Variants in THSD4 observed in about 807,000 individuals in gnomAD.
The protein encoded by THSD4 is thrombospondin type 1 domain containing 4.
THSD4 carries 69 observed loss-of-function variants against 119.0 expected under a neutral mutation model. The observed-to-expected ratio is 0.58, with a 90% CI of 0.48 to 0.71. THSD4 has a LOEUF of 0.71. THSD4 is among the 30% of genes least tolerant of loss of function. The pLI is 0.00. For synonymous variants in THSD4, 524 were observed against 540.4 expected, an observed-to-expected ratio of 0.97 and a Z score of 0.42; for missense variants, 1,393 against 1,391.1, an observed-to-expected ratio of 1.00 and a Z score of -0.02.
At chr15:71,587,989 C>G (rs913276166) in intron 7 of THSD4, among the ~76,000 whole-genome samples, 2 of 151,282 alleles carry the variant, frequency 1.3e-5, no homozygotes, top group African/African-American at 4.9e-5. Flanking sequence ...GGCATAGTTT[C>G]ATTGTCAAGA....
At position 71,242,748 on chromosome 15, in the gene THSD4, G is replaced by T. The variant is rs777242706; in HGVS notation, c.564G>T (p.Arg188Ser). Residue 188 changes from arginine to serine, a missense_variant, in exon 5 of 18, where the codon AGG (arginine) becomes AGT (serine). Coordinates refer to ENST00000261862, the MANE Select transcript of THSD4 (RefSeq NM_024817.3). ...LQTDTAHTPQRLRRQKLSSRH... is the reference protein window; with the variant it reads ...LQTDTAHTPQSLRRQKLSSRH... ...CAGACACTGCACACACGCCACAGAG[G>T]CTCCGGAGACAGAAGCTCTCATCCC... The T allele has an allele frequency of 2.5e-6, 4 of 1,614,160 alleles. No individual in the cohort carries two copies. Among genetic ancestry groups the T allele is most frequent in the East Asian group, 4.5e-5 (2 of 44,884 alleles).
chr15:71,512,550 G>A (rs970390437), intron 7 of THSD4, among the ~76,000 whole-genome samples: 7 of 152,154 alleles, frequency 4.6e-5, no homozygotes, highest in Non-Finnish European at 7.3e-5. Flanking sequence ...GGCTTAAGGC[G>A]AGGCAGCAAC....
intron 8 of THSD4, among the ~76,000 whole-genome samples, chr15:71,700,992 C>T (rs1354577508): frequency 6.6e-6 from 1 of 152,008 alleles, no homozygotes; most frequent in African/African-American, 2.4e-5. Flanking sequence ...AAGAACTAAA[C>T]TCTTTTGGCC....
chr15:71,534,109 T>C (rs955449338), intron 7 of THSD4, among the ~76,000 whole-genome samples: 9 of 152,208 alleles, frequency 5.9e-5, no homozygotes, highest in Middle Eastern at 3.4e-3. Flanking sequence ...ACAACACACT[T>C]GGCTAGCTTT....
chr15:71,191,807 A>C (rs963537194), intron 3 of THSD4, among the ~76,000 whole-genome samples: 1 of 151,758 alleles, frequency 6.6e-6, no homozygotes, highest in Non-Finnish European at 1.5e-5. Context: ...GGGTCTCTTC[A>C]TTCTTTTCCT....
At chr15:71,361,921 A>G (rs780756072) in intron 6 of THSD4, among the ~76,000 whole-genome samples, 12 of 152,262 alleles carry the variant, frequency 7.9e-5, no homozygotes, top group Non-Finnish European at 1.3e-4. Context: ...ATATACATAC[A>G]TATTTGGTCA....
At chr15:71,347,604 T>C (rs972230621) in intron 6 of THSD4, among the ~76,000 whole-genome samples, 3 of 152,226 alleles carry the variant, frequency 2.0e-5, no homozygotes, top group African/African-American at 7.2e-5. Context: ...CTCTTTAGAC[T>C]TGCAGGTACA....
intron 7 of THSD4, among the ~76,000 whole-genome samples, chr15:71,566,227 C>T (rs76332725): frequency 0.014 from 2,142 of 148,726 alleles, 59 homozygotes; most frequent in African/African-American, 0.049. Flanking sequence ...TATAACAATG[C>T]GTGGTTTGGA....
At chr15:71,459,354 C>CTCTCTCTCTGTCTCTCTG in intron 7 of THSD4, among the ~76,000 whole-genome samples, 1 of 144,022 alleles carries the variant, frequency 6.9e-6, no homozygotes, top group African/African-American at 2.6e-5. Context: ...CTGTCTCTCT[C>CTCTCTCTCTGTCTCTCTG]TCTCTCTCTG....
At chr15:71,527,998 G>C (rs935877713) in intron 7 of THSD4, among the ~76,000 whole-genome samples, 3 of 152,036 alleles carry the variant, frequency 2.0e-5, no homozygotes, top group African/African-American at 7.2e-5. Flanking sequence ...TTACAGTTGT[G>C]AGCCACCGCA....
intron 3 of THSD4, among the ~76,000 whole-genome samples, chr15:71,214,729 T>C (rs1030160735): frequency 6.6e-6 from 1 of 152,232 alleles, no homozygotes; most frequent in Non-Finnish European, 1.5e-5. Context: ...CCAGTCCCTC[T>C]GGCGGGAATC....
At chr15:71,210,784 G>T (rs1396282838) in intron 3 of THSD4, among the ~76,000 whole-genome samples, 1 of 152,024 alleles carries the variant, frequency 6.6e-6, no homozygotes, top group East Asian at 1.9e-4. Flanking sequence ...ATGGAGAGCT[G>T]TTCCTTTTAA....
intron 7 of THSD4, among the ~76,000 whole-genome samples, chr15:71,420,568 C>T (rs1339473363): frequency 9.5e-6 from 1 of 105,624 alleles, no homozygotes; most frequent in Non-Finnish European, 2.1e-5. Context: ...TCCTGTCTTC[C>T]TTTTAGTGAG....
intron 7 of THSD4, among the ~76,000 whole-genome samples, chr15:71,613,970 C>T (rs1311515352): frequency 2.6e-5 from 4 of 152,098 alleles, no homozygotes; most frequent in Admixed American, 6.6e-5. Flanking sequence ...TCTCTATCCT[C>T]GTAATACAAG....
intron 5 of THSD4, among the ~76,000 whole-genome samples, chr15:71,255,115 T>C (rs146949605): frequency 1.1e-3 from 162 of 152,350 alleles, no homozygotes; most frequent in African/African-American, 3.5e-3. Context: ...TAGATTTCTC[T>C]ACAAATCCTT....
At chr15:71,193,892 T>C (rs191623721) in intron 3 of THSD4, among the ~76,000 whole-genome samples, 2,505 of 152,246 alleles carry the variant, frequency 0.016, 38 homozygotes, top group Middle Eastern at 0.034. Flanking sequence ...TTTGTATTTT[T>C]AGTAGAGACG....
intron 7 of THSD4, among the ~76,000 whole-genome samples, chr15:71,573,086 T>C (rs897152532): frequency 1.3e-5 from 2 of 152,088 alleles, no homozygotes; most frequent in Non-Finnish European, 2.9e-5. Flanking sequence ...AGACATGCAC[T>C]TTGGGAAATA....
chr15:71,345,207 G>A (rs1274408251), intron 6 of THSD4, among the ~76,000 whole-genome samples: 2 of 146,982 alleles, frequency 1.4e-5, no homozygotes, highest in African/African-American at 5.0e-5. Flanking sequence ...GGGGGTTGGG[G>A]GGGTGGGTAG....
At chr15:71,263,331 G>GTATATATATATATATATATGTATA (rs60448462) in intron 6 of THSD4, among the ~76,000 whole-genome samples, 1 of 138,842 alleles carries the variant, frequency 7.2e-6, no homozygotes, top group Non-Finnish European at 1.6e-5. Flanking sequence ...GTATTCCATG[G>GTATATATATATATATATATGTATA]TATATATATA....
Sources: gnomAD v4.1 joint callset for allele counts (sites outside exome capture counted in the v4.1 genomes callset) on GRCh38, gnomAD v4.1.1 for gene constraint, MANE v1.5 for transcripts, NCBI Gene and HGNC (gene_info 2026-07-23, HGNC 2026-07-21) for gene names.